PRC1: variants seen among roughly 807,000 people sequenced by gnomAD.
PRC1 encodes protein regulator of cytokinesis 1.
PRC1 carries 54 observed loss-of-function variants against 91.2 expected under a neutral mutation model. That is an observed-to-expected ratio of 0.59 (90% CI 0.48 to 0.74). The LOEUF (loss-of-function observed/expected upper bound fraction) is 0.74, where lower values mean the gene tolerates loss of function less well. Ranked by LOEUF, PRC1 falls within the 30% of genes least tolerant of loss-of-function variation. The pLI is 0.00. For synonymous variants in PRC1, 275 were observed against 263.6 expected (o/e 1.04, Z -0.42); for missense variants, 727 against 746.2 (o/e 0.97, Z 0.30).
In PRC1 at chr15:90,974,303, T is replaced by C. The variant is rs2038460417; in HGVS notation, c.1351-57A>G. ...TCTCAGGAAGAGAGCGGGTCTGGGA[T>C]GGCAACAGCAGCAGGGCCGGGAATC... On this transcript the variant is annotated intron_variant, in intron 10 of 14. Transcript: ENST00000394249. The surrounding 1 kb of genome is among the most constrained non-coding windows in gnomAD (Gnocchi z 4.6). 1 of 1,456,076 alleles carries C rather than the reference T, an allele frequency of 6.9e-7. No individual in the cohort carries two copies. Among genetic ancestry groups the C allele is most frequent in the Non-Finnish European group, 9.6e-7 (1 of 1,040,120 alleles). The allele number at this position is 1,456,076 out of a possible 1,614,324, so 90.2% of individuals were successfully genotyped here. A position where few individuals can be genotyped will look rare whatever the true frequency, so the allele number is the denominator to read the frequency against.
In PRC1 at chr15:90,974,226, C is replaced by G; in HGVS notation, c.1371G>C (p.Gln457His). Residue 457 changes from glutamine (Q) to histidine (H), a missense_variant, in exon 11 of 15, where the codon CAG (glutamine) becomes CAC (histidine). Gln to His is a conservative substitution (Grantham distance 24). Transcript: ENST00000394249. This position sits in a 1 kb window ranked among gnomAD's most constrained non-coding sequence, Gnocchi z 4.6. ...TGCCATACAGCATCTCTGTCTCTGT[C>G]TGTTTTTTGTTCTTCAGTTGCTGTG... ...KQERQLKNKK[Q>H]TETEMLYGSA... is the part of the protein sequence containing the mutation. 1 of 1,614,152 alleles carries G rather than the reference C, an allele frequency of 6.2e-7. No individual in the cohort carries two copies. Among genetic ancestry groups the G allele is most frequent in the East Asian group, 2.2e-5 (1 of 44,888 alleles).
At chr15:90,970,666 T>C in intron 11 of PRC1, 152 bp from the exon 12 acceptor site, 1 of 578,594 alleles carries the variant, frequency 1.7e-6, no homozygotes, top group African/African-American at 1.9e-5. Flanking sequence ...TAATACTGCA[T>C]AGATTTGAAG....
intron 14 of PRC1, chr15:90,968,203 A>G (rs923781097): frequency 7.1e-6 from 7 of 985,358 alleles, no homozygotes; most frequent in Non-Finnish European, 8.4e-6. Flanking sequence ...AGCGAAAAAG[A>G]GAAAGCTGGA....
chr15:90,974,214 C>G lies in PRC1; in HGVS notation c.1383G>C (p.Glu461Asp). The G allele has an allele frequency of 6.2e-7, 1 of 1,614,194 alleles. No homozygotes were observed. The highest frequency in any genetic ancestry group is 8.5e-7 in the Non-Finnish European group (1 of 1,180,028). Reference sequence around the variant, plus strand: ...TTCGAGGAGCGCTGCCATACAGCATCTCTGTCTCTGTCTGTTTTTTGTTCT... The same window carrying G: ...TTCGAGGAGCGCTGCCATACAGCATGTCTGTCTCTGTCTGTTTTTTGTTCT... Reference protein sequence around the residue: ...QLKNKKQTETEMLYGSAPRTP... With the variant: ...QLKNKKQTETDMLYGSAPRTP... The change falls in exon 11 of 15, where the codon GAG becomes GAC. Residue 461 changes from glutamate (E) to aspartate (D), a missense_variant. Glu to Asp is a conservative substitution (Grantham distance 45, BLOSUM62 2). Coordinates refer to ENST00000394249, the MANE Select transcript of PRC1 (RefSeq NM_003981.4). The surrounding 1 kb of genome is among the most constrained non-coding windows in gnomAD (Gnocchi z 4.6).
In PRC1 at chr15:90,984,362, G is replaced by A. The variant is rs927402808; in HGVS notation, c.145-222C>T. ...TCCTGTCTCAGCCTCTTGAGTAGCT[G>A]GGATTACAGGTGCTCACCACCATGC... On this transcript the variant is annotated intron_variant, in intron 2 of 14. Transcript: ENST00000394249. The surrounding 1 kb of genome is among the most constrained non-coding windows in gnomAD (Gnocchi z 5.1). Among the ~76,000 whole-genome samples the A allele has an allele frequency of 6.6e-6, 1 of 152,070 alleles. No homozygotes were observed. The highest frequency in any genetic ancestry group is 1.5e-5 in the Non-Finnish European group (1 of 68,002).
chr15:90,980,511 ACTTTT>A (rs1258013200), intron 6 of PRC1, 122 bp from the exon 7 acceptor site: 4 of 811,490 alleles, frequency 4.9e-6, no homozygotes, highest in Admixed American at 3.9e-5. Context: ...ATAAATCAAC[ACTTTT>A]TTTTTTTTTT....
chr15:90,993,782 G>A (rs2040119800), intron 1 of PRC1, among the ~76,000 whole-genome samples: 1 of 152,136 alleles, frequency 6.6e-6, no homozygotes, highest in Non-Finnish European at 1.5e-5. Flanking sequence ...CCGCTGGCCA[G>A]ATATAAAGAA....
chr15:90,967,224 C>T, intron 14 of PRC1, 22 bp from the exon 15 acceptor site: 1 of 1,599,468 alleles, frequency 6.3e-7, no homozygotes, highest in Non-Finnish European at 8.6e-7. Context: ...TAAATAACAT[C>T]AGTGGCCATA....
Position 90,966,147 on chromosome 15 carries a change from C to A in PRC1, c.*984G>T, listed in dbSNP as rs1429172091. 1 of 158,642 alleles carries A rather than the reference C, an allele frequency of 6.3e-6. No individual in the cohort carries two copies. Among genetic ancestry groups the A allele is most frequent in the Non-Finnish European group, 1.4e-5 (1 of 71,830 alleles). The allele number at this position is 158,642 out of a possible 1,614,324, so 9.8% of individuals were successfully genotyped here. On this transcript the variant is annotated 3_prime_UTR_variant, in exon 15 of 15. Transcript: ENST00000394249. ...TAAACAGCGTGGCTAACACCAAGTC[C>A]ACACTGGTAAGCTTTTGAGAACCAT...
chr15:90,974,464 C>CCGGCTTCCT lies in PRC1; in HGVS notation c.1350+120_1350+121insAGGAAGCCG. 2.1e-6 allele frequency: 3 copies of CCGGCTTCCT among 1,419,022 alleles called. No homozygotes were observed. Among genetic ancestry groups the CCGGCTTCCT allele is most frequent in the Admixed American group, 1.9e-5 (1 of 52,086 alleles). The allele number at this position is 1,419,022 out of a possible 1,614,324, so 87.9% of individuals were successfully genotyped here. On this transcript the variant is annotated intron_variant, in intron 10 of 14. Coordinates refer to ENST00000394249, the MANE Select transcript of PRC1 (RefSeq NM_003981.4). This position sits in a 1 kb window ranked among gnomAD's most constrained non-coding sequence, Gnocchi z 4.6. ...CCACAAGCCCCGGTCCCCGGCTTCC[C>CCGGCTTCCT]GTTCCACAAGCCCCGGTCCCCGGCT... is the stretch of plus-strand genomic sequence containing the variant.
chr15:90,967,900 G>C (rs549119644), intron 14 of PRC1: 1 of 985,466 alleles, frequency 1.0e-6, no homozygotes, highest in African/African-American at 1.7e-5. Flanking sequence ...GGTCTCTTGA[G>C]CCCTTTATAA....
intron 11 of PRC1, among the ~76,000 whole-genome samples, chr15:90,972,204 A>C (rs527828555): frequency 2.8e-4 from 39 of 140,180 alleles, no homozygotes; most frequent in South Asian, 1.2e-3. Flanking sequence ...AAAAAAAAAA[A>C]CACCACCAAC....
rs746327520 is a variant in PRC1 at position 90,980,368 on chromosome 15, A to C, written c.844T>G (p.Leu282Val). 5.6e-6 allele frequency: 9 copies of C among 1,613,946 alleles called. No homozygotes were observed. The South Asian group carries it at 9.9e-5, about 18-fold the overall frequency. ...RKALQLEVDR[L>V]EELKMQNMKK... ...ATGTTTTGCATTTTCAGTTCTTCCA[A>C]CCGATCCACTTCTAATTGCAGCTGA... Residue 282 changes from leucine to valine, a missense_variant, in exon 7 of 15, where the codon TTG becomes GTG. Leu to Val is a conservative substitution (Grantham distance 32, BLOSUM62 1). Transcript: ENST00000394249.
intron 11 of PRC1, among the ~76,000 whole-genome samples, chr15:90,970,925 G>C (rs1025150364): frequency 1.3e-5 from 2 of 152,218 alleles, no homozygotes; most frequent in Non-Finnish European, 1.5e-5. Context: ...CAAGCAAACT[G>C]TGGTAAATTC....
At position 90,981,002 on chromosome 15, in the gene PRC1, A is replaced by G. The variant is rs1207206455; in HGVS notation, c.704T>C (p.Val235Ala). The G allele has an allele frequency of 1.2e-6, 2 of 1,614,096 alleles. No individual in the cohort carries two copies. The highest frequency in any genetic ancestry group is 1.3e-5 in the African/African-American group (1 of 75,022). Residue 235 changes from valine (V) to alanine (A), a missense_variant, in exon 6 of 15, where the codon GTG becomes GCG. Val to Ala is a moderately conservative substitution (Grantham distance 64). Coordinates refer to ENST00000394249, the MANE Select transcript of PRC1 (RefSeq NM_003981.4). ...GATTTGAGTACGCAGCCCCTCACAC[A>G]CTGCTTCATTTTGTGATTTCTGCAT... ...LEMQKSQNEA[V>A]CEGLRTQIRE...
chr15:90,986,518 C>T lies in PRC1; in HGVS notation c.12-1693G>A, dbSNP rs188113173. ...GCGCCTGTAATCCCAGCTACTGGGG[C>T]GGCTGAGGCAGGAGAATCGCTTGAA... On this transcript the variant is annotated intron_variant, in intron 1 of 14. Transcript: ENST00000394249. Among the ~76,000 whole-genome samples the T allele has an allele frequency of 3.3e-4, 50 of 152,078 alleles. 1 individual carries two copies. The East Asian group carries it at 7.9e-3, about 24-fold the overall frequency.
rs1255257210 is a variant in PRC1 at position 90,976,686 on chromosome 15, A to C, written c.1193T>G (p.Met398Arg). The change falls in exon 9 of 15, where the codon ATG becomes AGG. Residue 398 changes from methionine (M) to arginine (R), a missense_variant. Physicochemically the swap from Met to Arg is moderately conservative, Grantham distance 91 (BLOSUM62 -1). Transcript: ENST00000394249. ...EEKQRAKLQK[M>R]LPKLEEELKA... Reference sequence around the variant, plus strand: ...TAGCAACATTATTACCTTGGGCAGCATTTTCTGGAGCTTGGCTCGTTGTTT... The same window carrying C: ...TAGCAACATTATTACCTTGGGCAGCCTTTTCTGGAGCTTGGCTCGTTGTTT... 6.2e-7 allele frequency: 1 copy of C among 1,611,400 alleles called. No individual in the cohort carries two copies.
chr15:90,970,110 G>A (rs1302204025), intron 12 of PRC1, among the ~76,000 whole-genome samples: 1 of 152,130 alleles, frequency 6.6e-6, no homozygotes, highest in Non-Finnish European at 1.5e-5. Context: ...CTCCATACCA[G>A]CTGAGGACTG....
chr15:90,968,986 T>TTATTAGTTAGTG (rs1467625460), intron 14 of PRC1, 93 bp downstream of exon 14: 4 of 1,596,316 alleles, frequency 2.5e-6, no homozygotes, highest in African/African-American at 1.3e-5. Context: ...ACTGCTGAGA[T>TTATTAGTTAGTG]TATTAGTTAG....
Sources: gnomAD v4.1 joint callset for allele counts (sites outside exome capture counted in the v4.1 genomes callset) on GRCh38, gnomAD v4.1.1 for gene constraint, Gnocchi (gnomAD v3.1) non-coding constraint, MANE v1.5 for transcripts, NCBI Gene and HGNC (gene_info 2026-07-23, HGNC 2026-07-21) for gene names.